B4GALT6: variants seen among roughly 807,000 people sequenced by gnomAD.
The protein encoded by B4GALT6 is beta-1,4-galactosyltransferase 6, also known as UDP-Gal:beta-GlcNAc beta-1,4-galactosyltransferase 6.
In B4GALT6, 14 loss-of-function variants were observed where a neutral mutation model predicts 46.3. That is an observed-to-expected ratio of 0.30 (90% CI 0.20 to 0.47). The LOEUF (loss-of-function observed/expected upper bound fraction) is 0.47, where lower values mean the gene tolerates loss of function less well. Ranked by LOEUF, B4GALT6 falls within the 20% of genes least tolerant of loss-of-function variation. The pLI, the probability that B4GALT6 is intolerant of heterozygous loss-of-function variation, is 0.99. For synonymous variants in B4GALT6, 168 were observed against 162.0 expected (o/e 1.04, Z -0.28); for missense variants, 386 against 480.1 (o/e 0.80, Z 1.83).
chr18:31,666,611 C>T (rs1289179229), intron 1 of B4GALT6, among the ~76,000 whole-genome samples: 1 of 152,014 alleles, frequency 6.6e-6, no homozygotes, highest in South Asian at 2.1e-4. Flanking sequence ...TAGAATGAAA[C>T]TAACTGAACA....
At chr18:31,649,190 T>C (rs1667286) in intron 3 of B4GALT6, among the ~76,000 whole-genome samples, 88,408 of 152,144 alleles carry the variant, frequency 0.58, 27,627 homozygotes, top group African/African-American at 0.84. Flanking sequence ...CAACACTAGA[T>C]ACTGCCTATT....
intron 6 of B4GALT6, 77 bp downstream of exon 6, chr18:31,630,882 C>T (rs1224904028): frequency 1.4e-6 from 2 of 1,477,616 alleles, no homozygotes; most frequent in Non-Finnish European, 1.9e-6. Context: ...GATTTAGGGA[C>T]ATAACGCTGC....
intron 5 of B4GALT6, among the ~76,000 whole-genome samples, chr18:31,634,603 T>C (rs1391585464): frequency 6.6e-6 from 1 of 152,184 alleles, no homozygotes. Context: ...TAATAACTTT[T>C]CAAAAGTTTT....
chr18:31,658,788 T>C (rs1331018711), intron 2 of B4GALT6, among the ~76,000 whole-genome samples: 1 of 152,222 alleles, frequency 6.6e-6, no homozygotes, highest in Non-Finnish European at 1.5e-5. Flanking sequence ...CATCTATGCC[T>C]ACTTCATACT....
rs187216823 is a variant in B4GALT6 at position 31,631,530 on chromosome 18, T to G, written c.589-384A>C. Among the ~76,000 whole-genome samples the G allele has an allele frequency of 1.1e-4, 17 of 152,274 alleles. 1 individual carries two copies. The East Asian group carries it at 2.3e-3, about 21-fold the overall frequency. On this transcript the variant is annotated intron_variant, in intron 5 of 8. Coordinates refer to ENST00000306851, the MANE Select transcript of B4GALT6 (RefSeq NM_004775.5). The stretch of plus-strand genomic sequence containing the variant: ...TAATAACATAGAAGAAAACAGTATC[T>G]AGTCCATTGGTACATCAGCACATTT...
At chr18:31,710,145 A>C in the B4GALT6 span, among the ~76,000 whole-genome samples, 3,097 of 152,158 alleles carry the variant, frequency 0.02, 106 homozygotes, top group African/African-American at 0.063. Flanking sequence ...CATGATAACT[A>C]TGCTTTTCTG....
chr18:31,628,453 A>G (rs951426078), intron 6 of B4GALT6, among the ~76,000 whole-genome samples: 1 of 152,246 alleles, frequency 6.6e-6, no homozygotes, highest in Non-Finnish European at 1.5e-5. Context: ...AAGCCTATCA[A>G]TTCCATTTAT....
chr18:31,703,764 T>A, the B4GALT6 span, among the ~76,000 whole-genome samples: 5 of 152,206 alleles, frequency 3.3e-5, no homozygotes, highest in Admixed American at 3.3e-4. Flanking sequence ...ACCAAACAAA[T>A]GCATTCAAGG....
chr18:31,651,656 T>C (rs1350263874), intron 3 of B4GALT6, among the ~76,000 whole-genome samples: 1 of 152,146 alleles, frequency 6.6e-6, no homozygotes, highest in African/African-American at 2.4e-5. Flanking sequence ...GAGGCATTCC[T>C]GAGGCTTTCC....
rs138422244 is a variant in B4GALT6 at position 31,669,336 on chromosome 18, T to C, written c.116-2964A>G. 3.1e-3 allele frequency among the ~76,000 whole-genome samples: 468 copies of C among 152,356 alleles called. 3 individuals are homozygous for C. Among genetic ancestry groups the C allele is most frequent in the African/African-American group, 0.01 (419 of 41,584 alleles). ...CATCCTTGTGCAGGGGCCATGTTAA[T>C]CTCTGTATTGTTCCCATTTTTGTAT... On this transcript the variant is annotated intron_variant, in intron 1 of 8. Transcript: ENST00000306851.
the B4GALT6 span, among the ~76,000 whole-genome samples, chr18:31,710,568 C>G: frequency 3.2e-4 from 48 of 152,074 alleles, no homozygotes; most frequent in Admixed American, 3.1e-3. Context: ...GGACTGCCAA[C>G]AGCCACAAGA....
intron 3 of B4GALT6, among the ~76,000 whole-genome samples, chr18:31,652,386 A>T (rs2074082586): frequency 6.6e-6 from 1 of 151,898 alleles, no homozygotes; most frequent in Non-Finnish European, 1.5e-5. Flanking sequence ...GACAAGACAC[A>T]GCAGTCTTGT....
the B4GALT6 span, among the ~76,000 whole-genome samples, chr18:31,711,336 T>C: frequency 6.6e-6 from 1 of 152,120 alleles, no homozygotes; most frequent in African/African-American, 2.4e-5. Flanking sequence ...GGGTTTGTGG[T>C]ACAGATTATT....
chr18:31,629,438 C>A (rs1403619473), intron 6 of B4GALT6, among the ~76,000 whole-genome samples: 2 of 119,340 alleles, frequency 1.7e-5, no homozygotes, highest in African/African-American at 6.2e-5. Flanking sequence ...AGTTTATATG[C>A]CCTTTATGAT....
chr18:31,723,871 T>C, the B4GALT6 span, among the ~76,000 whole-genome samples: 1 of 152,132 alleles, frequency 6.6e-6, no homozygotes, highest in Non-Finnish European at 1.5e-5. Flanking sequence ...GAGTTCAGGC[T>C]GCCAGAACTG....
chr18:31,702,935 G>C, the B4GALT6 span, among the ~76,000 whole-genome samples: 1 of 152,192 alleles, frequency 6.6e-6, no homozygotes, highest in African/African-American at 2.4e-5. Flanking sequence ...ACACACTTAG[G>C]TTCCCAAGAA....
the B4GALT6 span, among the ~76,000 whole-genome samples, chr18:31,691,232 G>A: frequency 6.9e-6 from 1 of 145,670 alleles, no homozygotes; most frequent in Non-Finnish European, 1.5e-5. Flanking sequence ...ACAAAAACAG[G>A]GCAATAAATA....
At chr18:31,716,464 C>A in the B4GALT6 span, among the ~76,000 whole-genome samples, 1 of 152,160 alleles carries the variant, frequency 6.6e-6, no homozygotes, top group Non-Finnish European at 1.5e-5. Context: ...TAGTTCATAC[C>A]CTGGAATTTT....
chr18:31,690,812 T>C (rs2030082252), upstream of B4GALT6, among the ~76,000 whole-genome samples: 1 of 152,134 alleles, frequency 6.6e-6, no homozygotes, highest in South Asian at 2.1e-4. Flanking sequence ...TCTTACTACA[T>C]AGCCATAAAA....
Sources: allele counts gnomAD v4.1 joint callset (sites outside exome capture counted in the v4.1 genomes callset), GRCh38; gene constraint gnomAD v4.1.1; transcripts MANE v1.5; gene names NCBI Gene and HGNC (gene_info 2026-07-23, HGNC 2026-07-21).